TCF20: variants seen among roughly 807,000 people sequenced by gnomAD.
TCF20 encodes the protein SPRE-binding protein.
In TCF20, 3 loss-of-function variants were observed where a neutral mutation model predicts 148.6. The ratio of observed to expected loss-of-function variants is 0.02; its 90% CI spans 0.01 to 0.05. The LOEUF is 0.05. TCF20 is among the 10% of genes least tolerant of loss of function. The probability of loss-of-function intolerance (pLI) is 1.00; values close to 1 mark genes in which losing one functional copy is unlikely to be tolerated. For missense variants in TCF20, 2,350 were observed against 2,429.3 expected, an observed-to-expected ratio of 0.97 and a Z score of 0.69; for synonymous variants, 1,049 against 909.5, an observed-to-expected ratio of 1.15 and a Z score of -2.76.
At chr22:42,282,907 G>A (rs796736873) in intron 1 of TCF20, among the ~76,000 whole-genome samples, 5 of 135,680 alleles carry the variant, frequency 3.7e-5, no homozygotes, top group East Asian at 2.2e-4. Context: ...AAAGCCCCAC[G>A]CCGCCCAGCA....
At chr22:42,202,903 C>T (rs1938134710) in intron 2 of TCF20, among the ~76,000 whole-genome samples, 1 of 152,200 alleles carries the variant, frequency 6.6e-6, no homozygotes, top group Non-Finnish European at 1.5e-5. Context: ...GGCTGAGTCA[C>T]CCTGCAAGTT....
intron 1 of TCF20, among the ~76,000 whole-genome samples, chr22:42,315,298 G>A (rs952200374): frequency 6.6e-6 from 1 of 152,192 alleles, no homozygotes; most frequent in African/African-American, 2.4e-5. Flanking sequence ...TGCTGGGGGT[G>A]CAGGAGAGGC....
intron 1 of TCF20, among the ~76,000 whole-genome samples, chr22:42,240,583 A>G (rs1477440824): frequency 6.6e-6 from 1 of 152,236 alleles, no homozygotes; most frequent in East Asian, 1.9e-4. Flanking sequence ...AATATCCTGA[A>G]AAAGATGGAA....
At chr22:42,248,745 A>T (rs960049605) in intron 1 of TCF20, among the ~76,000 whole-genome samples, 1 of 152,216 alleles carries the variant, frequency 6.6e-6, no homozygotes, top group African/African-American at 2.4e-5. Flanking sequence ...ATTTTGGGGC[A>T]GGGAATTTGC....
At chr22:42,289,972 C>T (rs1469759775) in intron 1 of TCF20, among the ~76,000 whole-genome samples, 26 of 152,256 alleles carry the variant, frequency 1.7e-4, no homozygotes, top group Admixed American at 1.6e-3. Flanking sequence ...GAACTCCCAC[C>T]GCTAATCGCC....
upstream of TCF20, among the ~76,000 whole-genome samples, chr22:42,271,020 A>G (rs894236300): frequency 6.6e-6 from 1 of 151,540 alleles, no homozygotes; most frequent in African/African-American, 2.4e-5. Flanking sequence ...AGTTCCCTGG[A>G]GCCTCCAACT....
At chr22:42,300,354 T>C (rs960383651) in intron 1 of TCF20, among the ~76,000 whole-genome samples, 1 of 151,848 alleles carries the variant, frequency 6.6e-6, no homozygotes, top group Admixed American at 6.5e-5. Context: ...TAGATTTGTA[T>C]GTGAAAACTT....
chr22:42,239,139 C>T (rs1475943161), intron 1 of TCF20, among the ~76,000 whole-genome samples: 1 of 149,434 alleles, frequency 6.7e-6, no homozygotes, highest in Non-Finnish European at 1.5e-5. Flanking sequence ...AAAAAAGTAA[C>T]ATCGATGATC....
At chr22:42,306,185 C>T (rs1218061001) in intron 1 of TCF20, among the ~76,000 whole-genome samples, 2 of 152,252 alleles carry the variant, frequency 1.3e-5, no homozygotes, top group African/African-American at 4.8e-5. Context: ...CTGTGCGCGC[C>T]GCTGCCAGCT....
At chr22:42,235,355 TTC>T (rs1225463571) in intron 1 of TCF20, among the ~76,000 whole-genome samples, 1 of 152,166 alleles carries the variant, frequency 6.6e-6, no homozygotes, top group Non-Finnish European at 1.5e-5. Flanking sequence ...AACTGGGGAC[TTC>T]TCTGATGTAA....
At chr22:42,335,457 C>A (rs1047349155) in intron 1 of TCF20, among the ~76,000 whole-genome samples, 1 of 152,204 alleles carries the variant, frequency 6.6e-6, no homozygotes. Context: ...GCTTTATTCA[C>A]AAATGTAGCT....
At position 42,270,615 on chromosome 22, in the gene TCF20, G is replaced by C. The variant is rs1475573887; in HGVS notation, c.-313C>G. On this transcript the variant is annotated 5_prime_UTR_variant, in exon 1 of 6. Coordinates refer to ENST00000677622, the MANE Select transcript of TCF20 (RefSeq NM_001378418.1). ...AGGGGCCGAAAGCGGCTGGGCTCGG[G>C]GTTTTTTCTCTCCATTCTCCCAACA... Among the ~76,000 whole-genome samples the C allele has an allele frequency of 6.9e-6, 1 of 145,270 alleles. No individual in the cohort carries two copies. Among genetic ancestry groups the C allele is most frequent in the Non-Finnish European group, 1.5e-5 (1 of 65,430 alleles).
At chr22:42,325,462 T>C (rs1381184654) in intron 1 of TCF20, among the ~76,000 whole-genome samples, 1 of 152,162 alleles carries the variant, frequency 6.6e-6, no homozygotes, top group East Asian at 1.9e-4. Flanking sequence ...TAAACCCTGA[T>C]TTCCTCCCCC....
rs1179448077 is a variant in TCF20 at position 42,282,539 on chromosome 22, C to T, written c.-37+1288G>A. On this transcript the variant is annotated intron_variant, in intron 1 of 5. Transcript: ENST00000359486. ...CGGGGGAGCGCCCAGCCCTGGCCTTCGTTCTGCAAAGCCCCATCCCAGCCT... is the reference window on the plus strand; with the variant it reads ...CGGGGGAGCGCCCAGCCCTGGCCTTTGTTCTGCAAAGCCCCATCCCAGCCT... Among the ~76,000 whole-genome samples the T allele has an allele frequency of 3.3e-5, 5 of 152,356 alleles. No homozygotes were observed. In the South Asian group the frequency reaches 6.2e-4, roughly 19 times the overall value.
chr22:42,299,667 C>T lies in TCF20; in HGVS notation c.-37+43812G>A. On this transcript the variant is annotated intron_variant, in intron 1 of 1. Transcript: ENST00000515426. The surrounding 1 kb of genome is among the most constrained non-coding windows in gnomAD (Gnocchi z 4.1). ...CGAACGCAGGCCCCCCTGCCCGCACCCCAACACTTCAAGACCTCCTAGGAG... is the reference window on the plus strand; with the variant it reads ...CGAACGCAGGCCCCCCTGCCCGCACTCCAACACTTCAAGACCTCCTAGGAG... Among the ~76,000 whole-genome samples, 1 of 152,156 alleles carries T rather than the reference C, an allele frequency of 6.6e-6. No individual in the cohort carries two copies. Among genetic ancestry groups the T allele is most frequent in the Non-Finnish European group, 1.5e-5 (1 of 68,022 alleles).
rs76019742 is a variant in TCF20 at position 42,208,879 on chromosome 22, C to T, written c.5655+772G>A. On this transcript the variant is annotated intron_variant, in intron 2 of 5. Transcript: ENST00000677622. ...GCGTACATAAGATCTCATAGAGTAG[C>T]CAACACAACCATGAAATGACCTAGT... Among the ~76,000 whole-genome samples the T allele has an allele frequency of 2.1e-3, 324 of 152,242 alleles. 5 individuals are homozygous for T. In the East Asian group the frequency reaches 0.04, roughly 19 times the overall value.
intron 1 of TCF20, among the ~76,000 whole-genome samples, chr22:42,241,833 T>A (rs1645156695): frequency 6.7e-6 from 1 of 148,744 alleles, no homozygotes; most frequent in Non-Finnish European, 1.5e-5. Context: ...GACTCTTGTC[T>A]CAAAAAAACG....
chr22:42,318,426 GGGA>G (rs907806312), intron 1 of TCF20, among the ~76,000 whole-genome samples: 9 of 152,206 alleles, frequency 5.9e-5, no homozygotes, highest in African/African-American at 2.2e-4. Context: ...GAGAGGAGAG[GGGA>G]GGAGGAGGAG....
intron 1 of TCF20, among the ~76,000 whole-genome samples, chr22:42,231,547 C>G (rs1269470295): frequency 6.6e-6 from 1 of 152,052 alleles, no homozygotes; most frequent in African/African-American, 2.4e-5. Context: ...TATTTTTGAA[C>G]AGCTGCACAA....
Sources: allele counts gnomAD v4.1 joint callset (sites outside exome capture counted in the v4.1 genomes callset), GRCh38; gene constraint gnomAD v4.1.1; non-coding constraint Gnocchi (gnomAD v3.1); transcripts MANE v1.5; gene names NCBI Gene and HGNC (gene_info 2026-07-23, HGNC 2026-07-21).